The following NFIB variants were observed in gnomAD, a reference collection of about 807,000 sequenced individuals.
NFIB encodes the protein nuclear factor I B.
Under a neutral mutation model 61.5 loss-of-function variants are expected in NFIB, and 11 were observed. The observed-to-expected ratio is 0.18, with a 90% CI of 0.11 to 0.30. The LOEUF (loss-of-function observed/expected upper bound fraction) is 0.30. Ranked by LOEUF, NFIB falls within the 10% of genes least tolerant of loss-of-function variation. The probability of loss-of-function intolerance (pLI) is 1.00; values close to 1 mark genes in which losing one functional copy is unlikely to be tolerated. For missense variants in NFIB, 471 were observed against 608.9 expected (o/e 0.77, Z 2.38); for synonymous variants, 260 against 216.5 (o/e 1.20, Z -1.76).
the NFIB span, among the ~76,000 whole-genome samples, chr9:14,463,811 C>G: frequency 6.6e-6 from 1 of 151,998 alleles, no homozygotes; most frequent in Non-Finnish European, 1.5e-5. Context: ...CAGGCGCCCG[C>G]CACCAAGCCC....
At chr9:14,309,927 C>T (rs991039027) in intron 1 of NFIB, among the ~76,000 whole-genome samples, 1 of 152,170 alleles carries the variant, frequency 6.6e-6, no homozygotes, top group Non-Finnish European at 1.5e-5. Flanking sequence ...TCATTTTACC[C>T]TTGCCATGCT....
At chr9:14,512,667 C>T in the NFIB span, among the ~76,000 whole-genome samples, 2 of 145,586 alleles carry the variant, frequency 1.4e-5, no homozygotes, top group Admixed American at 7.1e-5. Flanking sequence ...CAATATTTCA[C>T]TTAGCGTCTT....
At chr9:14,461,525 T>G in the NFIB span, among the ~76,000 whole-genome samples, 3 of 152,180 alleles carry the variant, frequency 2.0e-5, no homozygotes, top group African/African-American at 2.4e-5. Context: ...GTGGAACTAC[T>G]TGCAAAAATG....
At chr9:14,281,191 A>G (rs970265457) in intron 2 of NFIB, among the ~76,000 whole-genome samples, 3 of 152,238 alleles carry the variant, frequency 2.0e-5, no homozygotes, top group African/African-American at 7.2e-5. Context: ...ACAGTTCAAC[A>G]TGGTTCCCAT....
intron 2 of NFIB, chr9:14,305,894 G>C (rs2059992236): frequency 1.1e-6 from 1 of 950,422 alleles, no homozygotes; most frequent in Non-Finnish European, 1.4e-6. Flanking sequence ...TACCATCTGT[G>C]ACAGCTCAAA....
At chr9:14,160,492 A>C (rs1023370377) in intron 3 of NFIB, among the ~76,000 whole-genome samples, 3 of 152,156 alleles carry the variant, frequency 2.0e-5, no homozygotes, top group African/African-American at 7.2e-5. Flanking sequence ...GTCTTCAAGT[A>C]TTCGAAGGAC....
Position 14,208,313 on chromosome 9 carries a change from C to T in NFIB, c.563-28533G>A, listed in dbSNP as rs539575583. 2.0e-5 allele frequency among the ~76,000 whole-genome samples: 3 copies of T among 152,050 alleles called. No homozygotes were observed. In the South Asian group the frequency reaches 6.2e-4, roughly 32 times the overall value. The stretch of plus-strand genomic sequence containing the variant: ...TTTAGATTTTTTTTCTTTCAATTGG[C>T]AATCCTTCCGACATCAAGGTTAAAT... On this transcript the variant is annotated intron_variant, in intron 2 of 10. Transcript: ENST00000380953.
At chr9:14,315,493 T>C (rs1427906451), upstream of NFIB, among the ~76,000 whole-genome samples, 1 of 144,180 alleles carries the variant, frequency 6.9e-6, no homozygotes, top group Non-Finnish European at 1.5e-5. Flanking sequence ...AGCGTCTCCC[T>C]ACCCGCCCGG....
intron 2 of NFIB, among the ~76,000 whole-genome samples, chr9:14,196,977 C>T (rs937410741): frequency 1.3e-5 from 2 of 152,136 alleles, no homozygotes; most frequent in Admixed American, 6.5e-5. Flanking sequence ...CAAGAATGTG[C>T]AAAATCCATT....
intron 6 of NFIB, among the ~76,000 whole-genome samples, chr9:14,141,263 T>C: frequency 6.6e-6 from 1 of 152,180 alleles, no homozygotes; most frequent in East Asian, 1.9e-4. Context: ...ATAACAGAAC[T>C]GGAGACTTGT....
At chr9:14,291,919 G>A (rs1317027441) in intron 2 of NFIB, among the ~76,000 whole-genome samples, 1 of 151,806 alleles carries the variant, frequency 6.6e-6, no homozygotes, top group Non-Finnish European at 1.5e-5. Context: ...TCAAATTTTG[G>A]TATTAGTTGA....
At chr9:14,502,719 T>A in the NFIB span, among the ~76,000 whole-genome samples, 7,986 of 152,262 alleles carry the variant, frequency 0.052, 514 homozygotes, top group African/African-American at 0.15. Context: ...TTTTTATTTT[T>A]TAATTAATTT....
the NFIB span, among the ~76,000 whole-genome samples, chr9:14,504,011 T>A: frequency 6.6e-6 from 1 of 152,172 alleles, no homozygotes; most frequent in Non-Finnish European, 1.5e-5. Flanking sequence ...AGCTGAGAGA[T>A]GTCCAGTTTC....
intron 2 of NFIB, among the ~76,000 whole-genome samples, chr9:14,246,703 T>C (rs1291589079): frequency 6.6e-6 from 1 of 152,196 alleles, no homozygotes; most frequent in Non-Finnish European, 1.5e-5. Flanking sequence ...CAAACCCTCT[T>C]ATTTGGTGCC....
the NFIB span, among the ~76,000 whole-genome samples, chr9:14,498,608 C>T: frequency 2.3e-3 from 351 of 152,222 alleles, 3 homozygotes; most frequent in African/African-American, 7.7e-3. Flanking sequence ...ACAGAGGAGC[C>T]GCGGCATAAA....
upstream of NFIB, among the ~76,000 whole-genome samples, chr9:14,401,399 T>C (rs1476652043): frequency 6.6e-6 from 1 of 152,186 alleles, no homozygotes; most frequent in Non-Finnish European, 1.5e-5. Context: ...TCTGGGGTCT[T>C]AGTTTTCTAA....
At chr9:14,158,073 T>C (rs2043653838) in intron 3 of NFIB, among the ~76,000 whole-genome samples, 1 of 146,988 alleles carries the variant, frequency 6.8e-6, no homozygotes, top group African/African-American at 2.5e-5. Context: ...ATGGAGCCAT[T>C]GCATTCCAGT....
At chr9:14,462,110 T>C in the NFIB span, among the ~76,000 whole-genome samples, 1 of 152,288 alleles carries the variant, frequency 6.6e-6, no homozygotes, top group South Asian at 2.1e-4. Context: ...TATCCCTAGT[T>C]ATCTTAATAT....
chr9:14,323,193 G>A (rs1314954124), intron 1 of NFIB, among the ~76,000 whole-genome samples: 1 of 152,066 alleles, frequency 6.6e-6, no homozygotes, highest in Non-Finnish European at 1.5e-5. Flanking sequence ...AGGTAGTCAC[G>A]CGAATATCAA....
Sources: allele counts gnomAD v4.1 joint callset (sites outside exome capture counted in the v4.1 genomes callset), GRCh38; gene constraint gnomAD v4.1.1; transcripts MANE v1.5; gene names NCBI Gene and HGNC (gene_info 2026-07-23, HGNC 2026-07-21).